Variants in RUNDC3B observed in about 807,000 individuals in gnomAD.
The protein encoded by RUNDC3B is RUN domain-containing protein 3B.
RUNDC3B carries 33 observed loss-of-function variants against 58.4 expected under a neutral mutation model. That is an observed-to-expected ratio of 0.56 (90% confidence interval 0.43 to 0.75). RUNDC3B has a LOEUF of 0.75. RUNDC3B is among the 30% of genes least tolerant of loss of function. The pLI is 0.00. For synonymous variants in RUNDC3B, 193 were observed against 195.2 expected (o/e 0.99, Z 0.10); for missense variants, 501 against 535.7 (o/e 0.94, Z 0.64).
At chr7:87,796,820 A>C (rs1835847188) in intron 8 of RUNDC3B, among the ~76,000 whole-genome samples, 1 of 152,216 alleles carries the variant, frequency 6.6e-6, no homozygotes, top group South Asian at 2.1e-4. Flanking sequence ...AAAATTAAAG[A>C]ACACCAGACA....
At chr7:87,779,617 A>T (rs1460478782) in intron 8 of RUNDC3B, among the ~76,000 whole-genome samples, 1 of 152,142 alleles carries the variant, frequency 6.6e-6, no homozygotes, top group African/African-American at 2.4e-5. Flanking sequence ...ATTTATAAGT[A>T]GGTAGTTTAA....
At position 87,759,363 on chromosome 7, in the gene RUNDC3B, G is replaced by T. The variant is rs543231780; in HGVS notation, c.630-11218G>T. On this transcript the variant is annotated intron_variant, in intron 6 of 10. Coordinates refer to ENST00000394654, the MANE Select transcript of RUNDC3B (RefSeq NM_001134405.2). ...CAAGGGAAGGGAGAAAAGTCGGGAT[G>T]ATTAATGGGTATAAAAACATAGTTA... Among the ~76,000 whole-genome samples, 87 of 152,200 alleles carry T rather than the reference G, an allele frequency of 5.7e-4. 1 individual carries two copies. Among genetic ancestry groups the T allele is most frequent in the Middle Eastern group, 6.8e-3 (2 of 294 alleles).
chr7:87,713,663 A>AG lies in RUNDC3B; in HGVS notation c.458+3008_458+3009insG, dbSNP rs201412568. 1.4e-4 allele frequency among the ~76,000 whole-genome samples: 21 copies of AG among 151,738 alleles called. No individual in the cohort carries two copies. In the East Asian group the frequency reaches 2.3e-3, roughly 17 times the overall value. ...ATCTAAGCTAAAAAAAAAAAAAAAAAAGAGAGAGACTTCTTTTGGTAGGTT... is the reference window on the plus strand; with the variant it reads ...ATCTAAGCTAAAAAAAAAAAAAAAAAGAGAGAGAGACTTCTTTTGGTAGGTT... On this transcript the variant is annotated intron_variant, in intron 4 of 10. Transcript: ENST00000394654.
At chr7:87,658,067 A>G (rs190802917) in intron 2 of RUNDC3B, among the ~76,000 whole-genome samples, 179 of 152,332 alleles carry the variant, frequency 1.2e-3, no homozygotes, top group Non-Finnish European at 1.7e-3. Context: ...AAGATAGTCA[A>G]TAGATGTCAA....
Position 87,644,627 on chromosome 7 carries a change from T to C in RUNDC3B, c.123-6195T>C, listed in dbSNP as rs559096649. 2.0e-5 allele frequency among the ~76,000 whole-genome samples: 3 copies of C among 152,322 alleles called. No homozygotes were observed. The South Asian group carries it at 6.2e-4, about 32-fold the overall frequency. On this transcript the variant is annotated intron_variant, in intron 1 of 10. Transcript: ENST00000394654. ...TTCCATATAAAGGGATATAACATGG[T>C]ATAGATAAGAAGATCTATTTTATTT...
At chr7:87,701,676 A>G (rs908175777) in intron 3 of RUNDC3B, among the ~76,000 whole-genome samples, 4 of 152,192 alleles carry the variant, frequency 2.6e-5, no homozygotes, top group African/African-American at 9.6e-5. Context: ...AAAAGAAAAT[A>G]TCTACACTTA....
chr7:87,724,542 T>C (rs1563164202), intron 4 of RUNDC3B, among the ~76,000 whole-genome samples: 1 of 152,062 alleles, frequency 6.6e-6, no homozygotes, highest in Non-Finnish European at 1.5e-5. Context: ...AATAATCACT[T>C]GTGATTTAAA....
At chr7:87,642,045 C>T (rs1185967885) in intron 1 of RUNDC3B, among the ~76,000 whole-genome samples, 1 of 151,678 alleles carries the variant, frequency 6.6e-6, no homozygotes, top group Non-Finnish European at 1.5e-5. Context: ...ATGCTTTTTG[C>T]AGGAAAAATA....
At chr7:87,787,775 T>C (rs971121289) in intron 8 of RUNDC3B, among the ~76,000 whole-genome samples, 3 of 152,170 alleles carry the variant, frequency 2.0e-5, no homozygotes, top group African/African-American at 4.8e-5. Flanking sequence ...CATTCAAAGG[T>C]TTATTCCTCT....
intron 4 of RUNDC3B, among the ~76,000 whole-genome samples, chr7:87,725,378 A>C (rs928670199): frequency 1.3e-5 from 2 of 152,152 alleles, no homozygotes; most frequent in African/African-American, 4.8e-5. Context: ...GGTGAGAATG[A>C]TGGTTTCCAG....
Position 87,739,804 on chromosome 7 carries a change from G to A in RUNDC3B, c.472G>A (p.Asp158Asn). ...TTCATTTTTTAGGAGATTTTATGAA[G>A]ATGGAGCAATTGTCTTGGGTGAAGA... is the stretch of plus-strand genomic sequence containing the variant. ...DFKTTRRFYEDGAIVLGEEAN... is the reference protein window; with the variant it reads ...DFKTTRRFYENGAIVLGEEAN... Residue 158 changes from aspartate (D) to asparagine (N), a missense_variant, in exon 5 of 11, where the codon GAT becomes AAT. Coordinates refer to ENST00000394654, the MANE Select transcript of RUNDC3B (RefSeq NM_001134405.2). 6.4e-7 allele frequency: 1 copy of A among 1,559,212 alleles called. No homozygotes were observed. Among genetic ancestry groups the A allele is most frequent in the South Asian group, 1.2e-5 (1 of 86,476 alleles).
At chr7:87,707,139 G>A (rs777786653) in intron 3 of RUNDC3B, among the ~76,000 whole-genome samples, 4 of 152,098 alleles carry the variant, frequency 2.6e-5, no homozygotes, top group Non-Finnish European at 4.4e-5. Flanking sequence ...CTGGAGAAAG[G>A]TAGCCTCAGA....
chr7:87,785,954 T>C (rs1401219042), intron 8 of RUNDC3B, among the ~76,000 whole-genome samples: 2 of 152,174 alleles, frequency 1.3e-5, no homozygotes, highest in Non-Finnish European at 2.9e-5. Flanking sequence ...CCCCCCTTGC[T>C]TTGGCTCTGT....
chr7:87,712,879 G>A (rs564570200), intron 4 of RUNDC3B, among the ~76,000 whole-genome samples: 2 of 152,038 alleles, frequency 1.3e-5, no homozygotes, highest in South Asian at 2.1e-4. Context: ...CACATTTATC[G>A]AATAATAGGA....
At chr7:87,683,716 G>A (rs1019490693) in intron 2 of RUNDC3B, among the ~76,000 whole-genome samples, 1 of 152,098 alleles carries the variant, frequency 6.6e-6, no homozygotes, top group Non-Finnish European at 1.5e-5. Context: ...CAATAATAAT[G>A]AAAAAGTTTG....
intron 8 of RUNDC3B, among the ~76,000 whole-genome samples, chr7:87,803,905 T>G (rs1214823501): frequency 6.6e-6 from 1 of 152,154 alleles, no homozygotes; most frequent in Non-Finnish European, 1.5e-5. Context: ...AAAGTTTTCA[T>G]TTAGTGGTCA....
chr7:87,712,400 CAAAG>C (rs535476495), intron 4 of RUNDC3B, among the ~76,000 whole-genome samples: 1 of 151,888 alleles, frequency 6.6e-6, no homozygotes, highest in African/African-American at 2.4e-5. Flanking sequence ...AAAATGAAAA[CAAAG>C]AATCGTATCA....
intron 6 of RUNDC3B, among the ~76,000 whole-genome samples, chr7:87,750,483 A>C (rs1352795756): frequency 6.6e-6 from 1 of 151,818 alleles, no homozygotes; most frequent in Admixed American, 6.6e-5. Flanking sequence ...GAACTAGTTT[A>C]CAGTCCCACC....
intron 6 of RUNDC3B, among the ~76,000 whole-genome samples, chr7:87,768,575 A>G (rs747803558): frequency 6.6e-6 from 1 of 152,208 alleles, no homozygotes; most frequent in Non-Finnish European, 1.5e-5. Flanking sequence ...CCAGATTACT[A>G]TTGGCAGAAT....
Sources: allele counts gnomAD v4.1 joint callset (sites outside exome capture counted in the v4.1 genomes callset), GRCh38; gene constraint gnomAD v4.1.1; transcripts MANE v1.5; gene names NCBI Gene and HGNC (gene_info 2026-07-23, HGNC 2026-07-21).